The following TRIM3 variants were observed in gnomAD, a reference collection of about 807,000 sequenced individuals.
TRIM3 encodes tripartite motif containing 3.
In TRIM3, 13 loss-of-function variants were observed where a neutral mutation model predicts 66.6. The ratio of observed to expected loss-of-function variants is 0.20; its 90% CI spans 0.13 to 0.31. The LOEUF (loss-of-function observed/expected upper bound fraction) is 0.31, where lower values mean the gene tolerates loss of function less well. Ranked by LOEUF, TRIM3 falls within the 10% of genes least tolerant of loss-of-function variation. The pLI is 1.00. For synonymous variants in TRIM3, 406 were observed against 411.7 expected, an observed-to-expected ratio of 0.99 and a Z score of 0.17; for missense variants, 711 against 1,020.4, an observed-to-expected ratio of 0.70 and a Z score of 4.13.
At chr11:6,451,977 A>C (rs1406797253) in intron 7 of TRIM3, 3 of 154,724 alleles carry the variant, frequency 1.9e-5, no homozygotes, top group African/African-American at 7.2e-5. Context: ...GGAGAAGTCA[A>C]GACTACAAGC....
chr11:6,465,537 T>A (rs1850425100), intron 2 of TRIM3, 28 bp downstream of exon 2: 1 of 1,613,442 alleles, frequency 6.2e-7, no homozygotes, highest in Non-Finnish European at 8.5e-7. Context: ...AGGGTCCTCA[T>A]CCCTCCCCAG....
intron 1 of TRIM3, among the ~76,000 whole-genome samples, chr11:6,468,689 A>T (rs755092746): frequency 1.3e-5 from 2 of 152,172 alleles, no homozygotes; most frequent in African/African-American, 4.8e-5. Flanking sequence ...CTGAAGAGTA[A>T]ATGGGAGATG....
At chr11:6,451,103 G>C (rs753248745) in intron 8 of TRIM3, 43 bp from the exon 9 acceptor site, 1 of 1,609,772 alleles carries the variant, frequency 6.2e-7, no homozygotes, top group East Asian at 2.2e-5. Context: ...TTCTGACAGT[G>C]GGGAAAGTAG....
In TRIM3 at chr11:6,449,504, T is replaced by C; in HGVS notation, c.1942-58A>G. 1 of 1,547,438 alleles carries C rather than the reference T, an allele frequency of 6.5e-7. No homozygotes were observed. Among genetic ancestry groups the C allele is most frequent in the Non-Finnish European group, 8.8e-7 (1 of 1,137,444 alleles). ...TGGCCTCAGGCAGAGGGTAGGGCTT[T>C]GGAGGAGGATAGGGTGAAGCCCCAG... On this transcript the variant is annotated intron_variant, in intron 10 of 11. Transcript: ENST00000345851. The surrounding 1 kb of genome is among the most constrained non-coding windows in gnomAD (Gnocchi z 5.3).
chr11:6,474,344 A>G (rs894183621), upstream of TRIM3: 6 of 152,156 alleles, frequency 3.9e-5, no homozygotes, highest in African/African-American at 1.4e-4. Context: ...GCTTCCTTGG[A>G]GTGCTCCTAT....
rs1849643058 is a variant in TRIM3, at chr11:6,449,697, C to T, written c.1942-251G>A. 2 of 431,808 alleles carry T rather than the reference C, an allele frequency of 4.6e-6. No homozygotes were observed. Among genetic ancestry groups the T allele is most frequent in the Admixed American group, 7.8e-5 (2 of 25,524 alleles). 26.7% of individuals were successfully genotyped at this position (431,808 alleles called of 1,614,324 possible). A position where few individuals can be genotyped will look rare whatever the true frequency, so the allele number is the denominator to read the frequency against. ...AATCAGTTCTCTTAGTTCTCTATCT[C>T]AATGACTGGTGCCACCCAGCTGGCC... On this transcript the variant is annotated intron_variant, in intron 10 of 11. Coordinates refer to ENST00000345851, the MANE Select transcript of TRIM3 (RefSeq NM_033278.4). This position sits in a 1 kb window ranked among gnomAD's most constrained non-coding sequence, Gnocchi z 5.3.
In TRIM3 at chr11:6,456,494, C is replaced by A; in HGVS notation, c.1232G>T (p.Gly411Val). The A allele has an allele frequency of 1.3e-6, 2 of 1,569,236 alleles. No individual in the cohort carries two copies. The highest frequency in any genetic ancestry group is 1.2e-5 in the South Asian group (1 of 86,562). The change falls in exon 6 of 12, where the codon GGC (glycine) becomes GTC (valine). Residue 411 changes from glycine (G) to valine (V), a missense_variant. Coordinates refer to ENST00000345851, the MANE Select transcript of TRIM3 (RefSeq NM_033278.4). This position sits in a 1 kb window ranked among gnomAD's most constrained non-coding sequence, Gnocchi z 6.4. ...CAGGGCACGCACGCGGAAGGGGCTGCCGCGCACTGGCTGTCCGTAGAGCAG... is the reference window on the plus strand; with the variant it reads ...CAGGGCACGCACGCGGAAGGGGCTGACGCGCACTGGCTGTCCGTAGAGCAG... ...SVLLYGQPVR[G>V]SPFRVRALRP... is the part of the protein sequence containing the mutation.
In TRIM3 at chr11:6,457,189, A is replaced by C. The variant is rs1267596504; in HGVS notation, c.696+107T>G. ...TACCGAGGGCATGTCAGGAGGCAGAATATCTAGGCTGGGGAATGGGGAGCT... is the reference window on the plus strand; with the variant it reads ...TACCGAGGGCATGTCAGGAGGCAGACTATCTAGGCTGGGGAATGGGGAGCT... On this transcript the variant is annotated intron_variant, in intron 5 of 11. Transcript: ENST00000345851. This position sits in a 1 kb window ranked among gnomAD's most constrained non-coding sequence, Gnocchi z 4.5. 1 of 1,531,500 alleles carries C rather than the reference A, an allele frequency of 6.5e-7. No individual in the cohort carries two copies. The highest frequency in any genetic ancestry group is 1.8e-5 in the Admixed American group (1 of 56,964). 94.9% of individuals were successfully genotyped at this position (1,531,500 alleles called of 1,614,324 possible).
rs893602320 is a variant in TRIM3 at position 6,458,666 on chromosome 11, C to T, written c.132-370G>A. Reference sequence around the variant, plus strand: ...ACTCTTGCCAAATTTATGCCAAGCCCTGGGGACAAAAAGATAAAGCACAGT... The same window carrying T: ...ACTCTTGCCAAATTTATGCCAAGCCTTGGGGACAAAAAGATAAAGCACAGT... On this transcript the variant is annotated intron_variant, in intron 2 of 11. Transcript: ENST00000345851. The surrounding 1 kb of genome is among the most constrained non-coding windows in gnomAD (Gnocchi z 6.2). Among the ~76,000 whole-genome samples, 1 of 152,196 alleles carries T rather than the reference C, an allele frequency of 6.6e-6. No individual in the cohort carries two copies. The highest frequency in any genetic ancestry group is 2.4e-5 in the African/African-American group (1 of 41,442).
At chr11:6,470,881 GA>G (rs1342608680) in intron 1 of TRIM3, among the ~76,000 whole-genome samples, 16 of 152,234 alleles carry the variant, frequency 1.1e-4, no homozygotes, top group African/African-American at 3.9e-4. Context: ...AGAGAATCAG[GA>G]AACAGATGTC....
intron 1 of TRIM3, among the ~76,000 whole-genome samples, chr11:6,471,442 C>T (rs1203383349): frequency 6.6e-6 from 1 of 152,134 alleles, no homozygotes; most frequent in Admixed American, 6.5e-5. Flanking sequence ...CCAATGAATC[C>T]TTTAAATAAG....
chr11:6,469,743 G>C (rs1402594676), intron 1 of TRIM3, among the ~76,000 whole-genome samples: 7 of 152,220 alleles, frequency 4.6e-5, no homozygotes, highest in Non-Finnish European at 1.0e-4. Context: ...GCAATGTAAA[G>C]TGGTGAAGAC....
intron 2 of TRIM3, among the ~76,000 whole-genome samples, chr11:6,464,824 T>C (rs770260270): frequency 2.0e-5 from 3 of 151,722 alleles, no homozygotes; most frequent in African/African-American, 4.8e-5. Flanking sequence ...CCATCTGTAA[T>C]AAAATACAAA....
chr11:6,451,009 G>A lies in TRIM3; in HGVS notation c.1753C>T (p.Arg585Trp), dbSNP rs1209033776. The A allele has an allele frequency of 6.8e-6, 11 of 1,614,066 alleles. No individual in the cohort carries two copies. The highest frequency in any genetic ancestry group is 2.2e-5 in the South Asian group (2 of 91,076). Reference protein sequence around the residue: ...LMGPKGVAVDRNGHIIVVDNK... With the variant: ...LMGPKGVAVDWNGHIIVVDNK... ...TCGACCACAATGATATGTCCATTCC[G>A]GTCTACGGCCACTCCCTTGGGGCCC... Residue 585 changes from arginine (R) to tryptophan (W), a missense_variant, in exon 9 of 12, where the codon CGG (arginine) becomes TGG (tryptophan). Arg to Trp is a moderately radical substitution (Grantham distance 101). This residue lies in a region of TRIM3 where 163 missense variants were observed against 321.9 expected (regional missense o/e 0.51). Transcript: ENST00000345851.
At chr11:6,462,307 A>G (rs978413562) in intron 2 of TRIM3, among the ~76,000 whole-genome samples, 1 of 152,260 alleles carries the variant, frequency 6.6e-6, no homozygotes, top group Admixed American at 6.5e-5. Flanking sequence ...CAAGGGATAC[A>G]TGAATGAATA....
intron 1 of TRIM3, among the ~76,000 whole-genome samples, chr11:6,469,827 A>G (rs142562495): frequency 6.6e-6 from 1 of 152,332 alleles, no homozygotes; most frequent in East Asian, 1.9e-4. Flanking sequence ...GGGTGGGTCC[A>G]GAGGTTGGAG....
intron 1 of TRIM3, among the ~76,000 whole-genome samples, chr11:6,467,954 C>T (rs1183562786): frequency 1.3e-5 from 2 of 152,100 alleles, no homozygotes; most frequent in Non-Finnish European, 2.9e-5. Flanking sequence ...TGTAGGGTAT[C>T]ATCTGAGCTA....
At chr11:6,451,704 T>C (rs546384583) in intron 7 of TRIM3, 24 of 459,076 alleles carry the variant, frequency 5.2e-5, no homozygotes, top group South Asian at 5.1e-4. Flanking sequence ...AATAGCCTAA[T>C]GAGGATGCCA....
chr11:6,467,512 T>A (rs1346081914), intron 1 of TRIM3, among the ~76,000 whole-genome samples: 2 of 152,186 alleles, frequency 1.3e-5, no homozygotes, highest in Non-Finnish European at 2.9e-5. Context: ...ATACCTGTAA[T>A]ACTAGCACTT....
Sources: allele counts gnomAD v4.1 joint callset (sites outside exome capture counted in the v4.1 genomes callset), GRCh38; gene constraint gnomAD v4.1.1; regional missense constraint gnomAD v4.1.1; non-coding constraint Gnocchi (gnomAD v3.1); transcripts MANE v1.5; gene names NCBI Gene and HGNC (gene_info 2026-07-23, HGNC 2026-07-21).